CPNE8: variants seen among roughly 807,000 people sequenced by gnomAD.
The protein encoded by CPNE8 is copine-8.
In CPNE8, 45 loss-of-function variants were observed where a neutral mutation model predicts 81.5. The ratio of observed to expected loss-of-function variants is 0.55; its 90% CI spans 0.44 to 0.71. The LOEUF is 0.71. Ranked by LOEUF, CPNE8 falls within the 30% of genes least tolerant of loss-of-function variation. CPNE8 has a pLI of 0.00. For missense variants in CPNE8, 594 were observed against 672.1 expected, an observed-to-expected ratio of 0.88 and a Z score of 1.28; for synonymous variants, 252 against 226.3, an observed-to-expected ratio of 1.11 and a Z score of -1.02.
intron 19 of CPNE8, among the ~76,000 whole-genome samples, chr12:38,666,882 CT>C (rs1171821773): frequency 6.6e-6 from 1 of 152,060 alleles, no homozygotes; most frequent in Non-Finnish European, 1.5e-5. Flanking sequence ...GCTTCATGTC[CT>C]TTTTTGTAAA....
intron 5 of CPNE8, among the ~76,000 whole-genome samples, chr12:38,835,977 T>C (rs1358017266): frequency 6.6e-6 from 1 of 152,152 alleles, no homozygotes; most frequent in Non-Finnish European, 1.5e-5. Context: ...AGTTTCTATG[T>C]TATCTGGTCC....
intron 3 of CPNE8, among the ~76,000 whole-genome samples, chr12:38,852,440 A>C (rs1392615252): frequency 6.6e-6 from 1 of 151,012 alleles, no homozygotes; most frequent in East Asian, 1.9e-4. Context: ...AAAAAAAAAA[A>C]AAAAAAAAAA....
At chr12:38,862,602 C>T (rs1943854041) in intron 3 of CPNE8, among the ~76,000 whole-genome samples, 1 of 152,110 alleles carries the variant, frequency 6.6e-6, no homozygotes, top group Admixed American at 6.5e-5. Flanking sequence ...GCCTAAAATG[C>T]ATATATTAGA....
chr12:38,686,858 C>A (rs923828849), intron 15 of CPNE8, among the ~76,000 whole-genome samples: 4 of 152,174 alleles, frequency 2.6e-5, no homozygotes, highest in Non-Finnish European at 5.9e-5. Flanking sequence ...AGGGCAAGGA[C>A]AAAGCCCCAA....
intron 16 of CPNE8, among the ~76,000 whole-genome samples, chr12:38,682,220 A>C (rs531248695): frequency 2.6e-5 from 4 of 151,632 alleles, no homozygotes; most frequent in Non-Finnish European, 5.9e-5. Flanking sequence ...ATTCTGTCTC[A>C]AAACCAAAAA....
At chr12:38,807,989 A>G (rs978357348) in intron 6 of CPNE8, among the ~76,000 whole-genome samples, 4 of 152,074 alleles carry the variant, frequency 2.6e-5, no homozygotes, top group African/African-American at 7.2e-5. Flanking sequence ...GCAGCCAAAA[A>G]ACACATGGAA....
chr12:38,733,367 TCTA>T (rs1430120159), intron 10 of CPNE8, among the ~76,000 whole-genome samples: 3 of 151,976 alleles, frequency 2.0e-5, no homozygotes, highest in Non-Finnish European at 4.4e-5. Context: ...ATTCCTAGAT[TCTA>T]CTAAGATTAA....
At chr12:38,741,830 AAAAAC>A (rs1000344179) in intron 10 of CPNE8, among the ~76,000 whole-genome samples, 3 of 152,146 alleles carry the variant, frequency 2.0e-5, no homozygotes, top group Non-Finnish European at 2.9e-5. Flanking sequence ...TTGCAAGAAA[AAAAAC>A]AAACAACCCC....
At chr12:38,718,895 A>G (rs1044161922) in intron 13 of CPNE8, among the ~76,000 whole-genome samples, 3 of 152,230 alleles carry the variant, frequency 2.0e-5, no homozygotes, top group Non-Finnish European at 2.9e-5. Flanking sequence ...TAGTAGTGAC[A>G]TACTAGCATA....
intron 1 of CPNE8, among the ~76,000 whole-genome samples, chr12:38,885,856 G>A (rs1175904788): frequency 6.6e-6 from 1 of 152,044 alleles, no homozygotes; most frequent in Non-Finnish European, 1.5e-5. Flanking sequence ...GTTTAAAAGT[G>A]TGTAGTACTT....
intron 3 of CPNE8, among the ~76,000 whole-genome samples, chr12:38,869,186 A>G (rs1943956219): frequency 6.6e-6 from 1 of 152,192 alleles, no homozygotes; most frequent in Admixed American, 6.5e-5. Context: ...AAATCCCATA[A>G]GTCATTTTCC....
intron 11 of CPNE8, among the ~76,000 whole-genome samples, chr12:38,725,273 A>G (rs1326650945): frequency 2.6e-5 from 4 of 152,210 alleles, no homozygotes; most frequent in African/African-American, 9.6e-5. Flanking sequence ...AATTAAATAC[A>G]CTAACATAGC....
intron 14 of CPNE8, among the ~76,000 whole-genome samples, chr12:38,697,696 G>A (rs903136355): frequency 2.6e-5 from 4 of 151,814 alleles, no homozygotes; most frequent in Non-Finnish European, 5.9e-5. Context: ...TAGGTCATGG[G>A]GTAGGATCCC....
At chr12:38,715,623 A>C (rs1239043448) in intron 13 of CPNE8, among the ~76,000 whole-genome samples, 1 of 152,038 alleles carries the variant, frequency 6.6e-6, no homozygotes, top group African/African-American at 2.4e-5. Context: ...CAACAAAATA[A>C]GCATGCAAAG....
chr12:38,730,635 A>T (rs1218755845), intron 10 of CPNE8, among the ~76,000 whole-genome samples: 1 of 151,794 alleles, frequency 6.6e-6, no homozygotes, highest in African/African-American at 2.4e-5. Flanking sequence ...TTGATAACAC[A>T]TTTCTCAAAA....
intron 1 of CPNE8, among the ~76,000 whole-genome samples, chr12:38,876,615 C>G (rs2056159): frequency 0.24 from 36,419 of 152,090 alleles, 5,490 homozygotes; most frequent in Non-Finnish European, 0.33. Flanking sequence ...AACAAGCCAA[C>G]AAAAAACCCT....
chr12:38,662,837 A>G (rs879809768), intron 19 of CPNE8, among the ~76,000 whole-genome samples: 7 of 152,158 alleles, frequency 4.6e-5, no homozygotes, highest in Non-Finnish European at 1.0e-4. Flanking sequence ...ATAAATTCAC[A>G]TATTTACAGC....
At chr12:38,681,265 A>G (rs942469863) in intron 16 of CPNE8, among the ~76,000 whole-genome samples, 16 of 152,140 alleles carry the variant, frequency 1.1e-4, no homozygotes, top group Non-Finnish European at 1.9e-4. Context: ...TACACCATAT[A>G]CAAGAGGAAA....
intron 19 of CPNE8, among the ~76,000 whole-genome samples, chr12:38,668,623 C>A (rs558981527): frequency 8.5e-5 from 13 of 152,292 alleles, no homozygotes; most frequent in Admixed American, 4.6e-4. Context: ...CAAATTCATA[C>A]TTCCATGCAG....
Sources: allele counts gnomAD v4.1 joint callset (sites outside exome capture counted in the v4.1 genomes callset), GRCh38; gene constraint gnomAD v4.1.1; transcripts MANE v1.5; gene names NCBI Gene and HGNC (gene_info 2026-07-23, HGNC 2026-07-21).